STKLD1: variants seen among roughly 807,000 people sequenced by gnomAD.
The protein encoded by STKLD1 is serine/threonine kinase-like domain-containing protein STKLD1.
Under a neutral mutation model 80.4 loss-of-function variants are expected in STKLD1, and 79 were observed. The observed-to-expected ratio is 0.98, with a 90% CI of 0.82 to 1.19. The LOEUF (loss-of-function observed/expected upper bound fraction) is 1.19, where lower values mean the gene tolerates loss of function less well. STKLD1 is among the 50% of genes most tolerant of loss of function. STKLD1 has a pLI of 0.00. For synonymous variants in STKLD1, 393 were observed against 357.6 expected, an observed-to-expected ratio of 1.10 and a Z score of -1.12; for missense variants, 841 against 856.0, an observed-to-expected ratio of 0.98 and a Z score of 0.22.
Position 133,405,521 on chromosome 9 carries a change from T to C in STKLD1, c.*100T>C, listed in dbSNP as rs1200421556. 1 of 1,253,498 alleles carries C rather than the reference T, an allele frequency of 8.0e-7. No homozygotes were observed. Among genetic ancestry groups the C allele is most frequent in the Non-Finnish European group, 1.1e-6 (1 of 928,270 alleles). 77.6% of individuals were successfully genotyped at this position (1,253,498 alleles called of 1,614,324 possible). A position where few individuals can be genotyped will look rare whatever the true frequency, so the allele number is the denominator to read the frequency against. ...ATCTCTATGACTGGGCCAAAATCAA[T>C]CTTAAACGGGAGGGGTAATCAGACC... On this transcript the variant is annotated 3_prime_UTR_variant, in exon 18 of 18. Transcript: ENST00000371957.
At chr9:133,403,033 T>TG in intron 14 of STKLD1, 21 bp downstream of exon 14, 29 of 1,549,282 alleles carry the variant, frequency 1.9e-5, no homozygotes, top group Non-Finnish European at 2.5e-5. Flanking sequence ...CTCCTCCTGC[T>TG]GTCCCACCGG....
Position 133,401,751 on chromosome 9 carries a change from C to T in STKLD1, c.1212C>T (p.His404=). ...LHLLGQALVH[H]PEAKAPCNQA... is the part of the protein sequence containing the mutation. The stretch of plus-strand genomic sequence containing the variant: ...TGGCTTGAGCAGCGCTGGTGCACCA[C>T]CCGGAAGCCAAGGCTCCCTGCAACC... The change falls in exon 13 of 18, where the codon CAC becomes CAT. Residue 404 remains histidine (H), a synonymous_variant. Transcript: ENST00000371957. 1.2e-6 allele frequency: 2 copies of T among 1,612,688 alleles called. No individual in the cohort carries two copies. The highest frequency in any genetic ancestry group is 2.2e-5 in the East Asian group (1 of 44,862).
In STKLD1 at chr9:133,404,855, C is replaced by A. The variant is rs367640120; in HGVS notation, c.1799C>A (p.Thr600Asn). Residue 600 changes from threonine (T) to asparagine (N), a missense_variant, in exon 17 of 18, where the codon ACC becomes AAC. By Grantham distance (65) the Thr-to-Asn change is moderately conservative (BLOSUM62 0). Coordinates refer to ENST00000371957, the MANE Select transcript of STKLD1 (RefSeq NM_153710.5). ...AGTGGCCTCAGCCTCATCAAGGAGA[C>A]CTACCAGCTCCACAGGGACGACCCG... is the stretch of plus-strand genomic sequence containing the variant. ...GGSGLSLIKE[T>N]YQLHRDDPEV... 19 of 1,612,888 alleles carry A rather than the reference C, an allele frequency of 1.2e-5. No homozygotes were observed. Among genetic ancestry groups the A allele is most frequent in the African/African-American group, 6.7e-5 (5 of 74,868 alleles).
intron 5 of STKLD1, chr9:133,388,577 A>G (rs1588742811): frequency 4.6e-6 from 1 of 217,760 alleles, no homozygotes; most frequent in African/African-American, 2.4e-5. Context: ...TCTTTTGATG[A>G]TGGAAAGTCC....
rs782576495 is a variant in STKLD1, at chr9:133,401,843, T to C, written c.1304T>C (p.Met435Thr). 3 of 1,613,700 alleles carry C rather than the reference T, an allele frequency of 1.9e-6. No individual in the cohort carries two copies. Residue 435 changes from methionine to threonine, a missense_variant, in exon 13 of 18, where the codon ATG becomes ACG. Met to Thr is a moderately conservative substitution (Grantham distance 81). Transcript: ENST00000371957. ...SHPEEEPLLV[M>T]VYSLLAITTT... is the part of the protein sequence containing the mutation. ...CCCGAGGAGGAGCCACTTCTTGTCA[T>C]GGTCTACAGCCTGCTAGCCATCACC... is the stretch of plus-strand genomic sequence containing the variant.
In STKLD1 at chr9:133,400,431, A is replaced by G; in HGVS notation, c.1100A>G (p.Glu367Gly). The change falls in exon 12 of 18, where the codon GAG (glutamate) becomes GGG (glycine). Residue 367 changes from glutamate (E) to glycine (G), a missense_variant. Coordinates refer to ENST00000371957, the MANE Select transcript of STKLD1 (RefSeq NM_153710.5). ...CTGCCAGGTCTGCCGTGGCCCCCGG[A>G]GCTGGTGGAGGTGGTGGTCACGACC... ...ADQLGLPWPP[E>G]LVEVVVTTME... The G allele has an allele frequency of 6.2e-7, 1 of 1,612,820 alleles. No individual in the cohort carries two copies. Among genetic ancestry groups the G allele is most frequent in the Non-Finnish European group, 8.5e-7 (1 of 1,179,942 alleles).
chr9:133,405,211 G>A (rs782716785), intron 17 of STKLD1, 41 bp from the exon 18 acceptor site: 4 of 1,555,760 alleles, frequency 2.6e-6, no homozygotes, highest in Non-Finnish European at 3.5e-6. Context: ...AAGGGGCACA[G>A]GAAGGACTCT....
Position 133,401,736 on chromosome 9 carries a change from A to G in STKLD1, c.1199-2A>G. ...CCAGGCGTCTTCCTCTGGCTTGAGC[A>G]GCGCTGGTGCACCACCCGGAAGCCA... On this transcript the variant is annotated splice_acceptor_variant, in intron 12 of 17. Transcript: ENST00000371957. LOFTEE classifies it high-confidence loss of function. 1 of 1,611,466 alleles carries G rather than the reference A, an allele frequency of 6.2e-7. No individual in the cohort carries two copies.
Position 133,381,131 on chromosome 9 carries a change from C to CTTTTT in STKLD1, c.174+2029_174+2033dup, listed in dbSNP as rs35031853. ...GAGATTTCTGGGTCATACGATGTAA[C>CTTTTT]TTTTTTTTTTTTTTTTTTTTTTTTG... On this transcript the variant is annotated intron_variant, in intron 2 of 17. Transcript: ENST00000371957. 7.8e-4 allele frequency among the ~76,000 whole-genome samples: 54 copies of CTTTTT among 69,160 alleles called. 1 individual carries two copies. The highest frequency in any genetic ancestry group is 1.6e-3 in the African/African-American group (27 of 16,392). 45.4% of individuals were successfully genotyped at this position (69,160 alleles called of 152,430 possible). A position where few individuals can be genotyped will look rare whatever the true frequency, so the allele number is the denominator to read the frequency against.
intron 5 of STKLD1, chr9:133,388,979 C>A: frequency 1.0e-6 from 1 of 985,312 alleles, no homozygotes; most frequent in East Asian, 1.1e-4. Flanking sequence ...CACATCCTGC[C>A]CCCTCAGCCC....
At chr9:133,404,746 C>T in intron 16 of STKLD1, 43 bp from the exon 17 acceptor site, 2 of 1,602,080 alleles carry the variant, frequency 1.2e-6, no homozygotes, top group East Asian at 2.2e-5. Context: ...TCTTCCCTTT[C>T]AGGGGAAAGC....
rs587700188 is a variant in STKLD1 at position 133,405,314 on chromosome 9, C to T, written c.1936C>T (p.Arg646Cys). 15 of 1,612,786 alleles carry T rather than the reference C, an allele frequency of 9.3e-6. No individual in the cohort carries two copies. The highest frequency in any genetic ancestry group is 1.7e-5 in the Admixed American group (1 of 59,968). The change falls in exon 18 of 18, where the codon CGC becomes TGC. Residue 646 changes from arginine to cysteine, a missense_variant. By Grantham distance (180) the Arg-to-Cys change is radical (BLOSUM62 -3). Transcript: ENST00000371957. ...MKALLQEIKE[R>C]FTSSLVSDSS... ...GGCCCTGCTCCAGGAGATCAAGGAGCGCTTCACCTCCAGCCTGGTGAGTGA... is the reference window on the plus strand; with the variant it reads ...GGCCCTGCTCCAGGAGATCAAGGAGTGCTTCACCTCCAGCCTGGTGAGTGA...
chr9:133,387,715 C>G, intron 5 of STKLD1, 167 bp downstream of exon 5: 2 of 701,160 alleles, frequency 2.9e-6, no homozygotes, highest in Non-Finnish European at 5.2e-6. Context: ...GTGTGCAGAT[C>G]TTAAGTGCAC....
At chr9:133,405,178 C>A in intron 17 of STKLD1, 74 bp from the exon 18 acceptor site, 1 of 1,510,328 alleles carries the variant, frequency 6.6e-7, no homozygotes, top group South Asian at 1.3e-5. Flanking sequence ...GTGACCCACT[C>A]TCATCCTTCT....
At position 133,402,783 on chromosome 9, in the gene STKLD1, C is replaced by A. The variant is rs1013670541; in HGVS notation, c.1340-95C>A. The A allele has an allele frequency of 7.9e-6, 11 of 1,384,568 alleles. No homozygotes were observed. The African/African-American group carries it at 1.3e-4, about 16-fold the overall frequency. The allele number at this position is 1,384,568 out of a possible 1,614,324, so 85.8% of individuals were successfully genotyped here. A position where few individuals can be genotyped will look rare whatever the true frequency, so the allele number is the denominator to read the frequency against. On this transcript the variant is annotated intron_variant, in intron 13 of 17. Coordinates refer to ENST00000371957, the MANE Select transcript of STKLD1 (RefSeq NM_153710.5). ...GGCCCAGAGCAGGCACCTAGGATTG[C>A]AGGTCAAATGGGACTGCAGTGCCCA...
At chr9:133,404,953 A>C (rs1564387006) in intron 17 of STKLD1, 24 bp downstream of exon 17, 1 of 1,610,762 alleles carries the variant, frequency 6.2e-7, no homozygotes, top group African/African-American at 1.3e-5. Context: ...CTCACCTCAC[A>C]CTCCCTAGAG....
At chr9:133,386,398 G>A (rs1044882754) in intron 4 of STKLD1, among the ~76,000 whole-genome samples, 1 of 152,236 alleles carries the variant, frequency 6.6e-6, no homozygotes, top group African/African-American at 2.4e-5. Flanking sequence ...TGATGACAGA[G>A]TTTTTACTTT....
rs1253604618 is a variant in STKLD1, at chr9:133,389,973, G to T, written c.467+377G>T. On this transcript the variant is annotated intron_variant, in intron 6 of 17. Transcript: ENST00000371957. The surrounding 1 kb of genome is among the most constrained non-coding windows in gnomAD (Gnocchi z 6.4). ...CCAGCGGCACAACTTTCAGGCTGGAGAATCCATGGTCTGAAGGGGCTGGGA... is the reference window on the plus strand; with the variant it reads ...CCAGCGGCACAACTTTCAGGCTGGATAATCCATGGTCTGAAGGGGCTGGGA... Among the ~76,000 whole-genome samples, 2 of 152,210 alleles carry T rather than the reference G, an allele frequency of 1.3e-5. No homozygotes were observed. The highest frequency in any genetic ancestry group is 4.8e-5 in the African/African-American group (2 of 41,460).
At position 133,390,568 on chromosome 9, in the gene STKLD1, C is replaced by T. The variant is rs2130286728; in HGVS notation, c.468-113C>T. The T allele has an allele frequency of 4.0e-5, 29 of 725,322 alleles. No individual in the cohort carries two copies. In the Admixed American group the frequency reaches 5.3e-4, roughly 13 times the overall value. The allele number at this position is 725,322 out of a possible 1,614,324, so 44.9% of individuals were successfully genotyped here. A position where few individuals can be genotyped will look rare whatever the true frequency, so the allele number is the denominator to read the frequency against. ...GCTGCTGCTGCAGAACCAGGTGGGG[C>T]AGGGAGCAGAGAGTCAGGCTCAGCA... is the stretch of plus-strand genomic sequence containing the variant. On this transcript the variant is annotated intron_variant, in intron 6 of 17. Transcript: ENST00000371957. The surrounding 1 kb of genome is among the most constrained non-coding windows in gnomAD (Gnocchi z 5.1).
Sources: gnomAD v4.1 joint callset for allele counts (sites outside exome capture counted in the v4.1 genomes callset) on GRCh38, gnomAD v4.1.1 for gene constraint, Gnocchi (gnomAD v3.1) non-coding constraint, MANE v1.5 for transcripts, NCBI Gene and HGNC (gene_info 2026-07-23, HGNC 2026-07-21) for gene names.